The following DDX6 variants were observed in gnomAD, a reference collection of about 807,000 sequenced individuals.
DDX6 encodes probable ATP-dependent RNA helicase DDX6.
Under a neutral mutation model 60.6 loss-of-function variants are expected in DDX6, and 7 were observed. The observed-to-expected ratio is 0.12, with a 90% CI of 0.07 to 0.22. The LOEUF (loss-of-function observed/expected upper bound fraction) is 0.22, where lower values mean the gene tolerates loss of function less well. Among genes scored for constraint, DDX6 ranks in the 10% least tolerant of loss-of-function variants. DDX6 has a pLI of 1.00. For synonymous variants in DDX6, 207 were observed against 201.0 expected, an observed-to-expected ratio of 1.03 and a Z score of -0.25; for missense variants, 270 against 589.9, an observed-to-expected ratio of 0.46 and a Z score of 5.62.
At position 118,786,159 on chromosome 11, in the gene DDX6, A is replaced by G; in HGVS notation, c.93T>C (p.Pro31=). 6.2e-7 allele frequency: 1 copy of G among 1,613,914 alleles called. No individual in the cohort carries two copies. The highest frequency in any genetic ancestry group is 8.5e-7 in the Non-Finnish European group (1 of 1,179,880). Residue 31 remains proline (P), a synonymous_variant, in exon 2 of 14, where the codon CCT becomes CCC. Transcript: ENST00000534980. ...LRGPVKPTGG[P]GGGGTQTQQQ... is the part of the protein sequence containing the mutation. ...GCTGTGTCTGTGTGCCCCCTCCTCC[A>G]GGGCCACCAGTGGGTTTCACAGGGC...
intron 4 of DDX6, 97 bp from the exon 5 acceptor site, chr11:118,768,449 T>G: frequency 7.6e-7 from 1 of 1,322,740 alleles, no homozygotes; most frequent in Non-Finnish European, 1.1e-6. Context: ...TCGGTATTGC[T>G]TTAAGTGTCC....
chr11:118,782,422 AAAG>A (rs1861929529), intron 2 of DDX6, among the ~76,000 whole-genome samples: 1 of 152,158 alleles, frequency 6.6e-6, no homozygotes, highest in Admixed American at 6.6e-5. Context: ...AAAAAAAAAA[AAAG>A]ATCAGGGAAC....
intron 11 of DDX6, among the ~76,000 whole-genome samples, chr11:118,756,021 C>CT (rs1483140416): frequency 8.2e-6 from 1 of 121,260 alleles, no homozygotes. Flanking sequence ...CCCCCTCCCC[C>CT]CCCCCCCCAA....
rs2137451978 is a variant in DDX6 at position 118,763,319 on chromosome 11, T to C, written c.647-13A>G. 6.3e-7 allele frequency: 1 copy of C among 1,576,456 alleles called. No individual in the cohort carries two copies. The highest frequency in any genetic ancestry group is 8.7e-7 in the Non-Finnish European group (1 of 1,147,274). ...ATCACCACGTGCACTATGCAAGATTTAGAAAACATACATTCTCATTAATTT... is the reference window on the plus strand; with the variant it reads ...ATCACCACGTGCACTATGCAAGATTCAGAAAACATACATTCTCATTAATTT... On this transcript the variant is annotated splice_polypyrimidine_tract_variant and intron_variant, in intron 6 of 13. Coordinates refer to ENST00000534980, the MANE Select transcript of DDX6 (RefSeq NM_004397.6).
At chr11:118,781,914 G>A (rs1191394870) in intron 2 of DDX6, among the ~76,000 whole-genome samples, 1 of 149,694 alleles carries the variant, frequency 6.7e-6, no homozygotes, top group Non-Finnish European at 1.5e-5. Context: ...AGTGACAGAG[G>A]GAGACTCTGT....
intron 6 of DDX6, among the ~76,000 whole-genome samples, chr11:118,764,746 G>T (rs1302003920): frequency 2.2e-4 from 33 of 151,366 alleles, no homozygotes; most frequent in African/African-American, 7.5e-4. Flanking sequence ...GGAGATTGCA[G>T]TGAGTCAAGA....
At chr11:118,761,813 C>T (rs581045) in intron 7 of DDX6, among the ~76,000 whole-genome samples, 59,207 of 147,604 alleles carry the variant, frequency 0.4, 12,143 homozygotes, top group Admixed American at 0.53. Flanking sequence ...ACTATAGTAA[C>T]TACTTGACAG....
chr11:118,763,183 C>G (rs376255454), intron 7 of DDX6, 29 bp downstream of exon 7: 6 of 1,492,476 alleles, frequency 4.0e-6, no homozygotes, highest in African/African-American at 2.8e-5. Flanking sequence ...AAGTACAGAA[C>G]AGTATAATGC....
At chr11:118,783,453 T>C (rs1861968442) in intron 2 of DDX6, among the ~76,000 whole-genome samples, 1 of 152,128 alleles carries the variant, frequency 6.6e-6, no homozygotes, top group African/African-American at 2.4e-5. Context: ...CCTCCCAAAG[T>C]GATGGGATGA....
intron 6 of DDX6, among the ~76,000 whole-genome samples, chr11:118,763,838 T>TAAAAAAA (rs58341763): frequency 5.2e-5 from 7 of 134,356 alleles, no homozygotes; most frequent in Non-Finnish European, 6.3e-5. Context: ...TGTCTCAAAT[T>TAAAAAAA]AAAAAAAAAA....
intron 4 of DDX6, among the ~76,000 whole-genome samples, chr11:118,775,555 G>A (rs1555163449): frequency 6.6e-6 from 1 of 151,910 alleles, no homozygotes; most frequent in African/African-American, 2.4e-5. Context: ...AAAAGAAAAA[G>A]GCAATACAAG....
chr11:118,758,827 C>T lies in DDX6; in HGVS notation c.940G>A (p.Ala314Thr). 6.2e-7 allele frequency: 1 copy of T among 1,613,760 alleles called. No homozygotes were observed. Among genetic ancestry groups the T allele is most frequent in the Non-Finnish European group, 8.5e-7 (1 of 1,179,806 alleles). ...LTLKGVTQYY[A>T]YVTERQKVHC... ...ACTTTTTGGCGCTCAGTTACATATGCGTAGTACTGGGTTACTCCCTTCAGA... is the reference window on the plus strand; with the variant it reads ...ACTTTTTGGCGCTCAGTTACATATGTGTAGTACTGGGTTACTCCCTTCAGA... Residue 314 changes from alanine (A) to threonine (T), a missense_variant, in exon 9 of 14, where the codon GCA (alanine) becomes ACA (threonine). This residue lies in a region of DDX6 where 69 missense variants were observed against 208.2 expected (regional missense o/e 0.33). Coordinates refer to ENST00000534980, the MANE Select transcript of DDX6 (RefSeq NM_004397.6).
At chr11:118,758,537 T>A (rs536522073) in intron 9 of DDX6, among the ~76,000 whole-genome samples, 8 of 151,888 alleles carry the variant, frequency 5.3e-5, no homozygotes, top group African/African-American at 1.9e-4. Context: ...CCATGCCCAA[T>A]TTTTTTGTAT....
intron 6 of DDX6, among the ~76,000 whole-genome samples, chr11:118,764,567 G>A (rs1160056200): frequency 6.6e-6 from 1 of 152,128 alleles, no homozygotes; most frequent in Non-Finnish European, 1.5e-5. Context: ...CACTTTGGGA[G>A]GCTGAGGCAG....
At chr11:118,777,307 A>G (rs1344231622) in intron 4 of DDX6, among the ~76,000 whole-genome samples, 1 of 152,184 alleles carries the variant, frequency 6.6e-6, no homozygotes, top group African/African-American at 2.4e-5. Flanking sequence ...CCTGAATTCA[A>G]TCATTTCATC....
intron 2 of DDX6, among the ~76,000 whole-genome samples, chr11:118,783,253 T>C (rs1489277416): frequency 1.3e-5 from 2 of 152,052 alleles, no homozygotes; most frequent in Non-Finnish European, 2.9e-5. Flanking sequence ...AAAATCAAAA[T>C]CCACTGTTGT....
intron 10 of DDX6, among the ~76,000 whole-genome samples, chr11:118,756,718 T>C (rs568023168): frequency 6.6e-6 from 1 of 152,306 alleles, no homozygotes; most frequent in Admixed American, 6.5e-5. Flanking sequence ...AGGAAATATT[T>C]GTGTCTGTAC....
At chr11:118,768,465 A>G in intron 4 of DDX6, 113 bp from the exon 5 acceptor site, 1 of 1,110,552 alleles carries the variant, frequency 9.0e-7, no homozygotes, top group Non-Finnish European at 1.3e-6. Flanking sequence ...TGTCCTAAGT[A>G]TCCTACATTT....
chr11:118,786,357 A>G lies in DDX6; in HGVS notation c.-106T>C. 1.0e-6 allele frequency: 1 copy of G among 979,818 alleles called. No individual in the cohort carries two copies. Among genetic ancestry groups the G allele is most frequent in the Non-Finnish European group, 1.5e-6 (1 of 678,958 alleles). The allele number at this position is 979,818 out of a possible 1,614,324, so 60.7% of individuals were successfully genotyped here. A position where few individuals can be genotyped will look rare whatever the true frequency, so the allele number is the denominator to read the frequency against. ...TCTCCAAAATGAAGAGATAAATATA[A>G]GTCTTGCTCAATAAATGAGTCCTTT... On this transcript the variant is annotated 5_prime_UTR_variant, in exon 2 of 14. Transcript: ENST00000534980.
Sources: gnomAD v4.1 joint callset for allele counts (sites outside exome capture counted in the v4.1 genomes callset) on GRCh38, gnomAD v4.1.1 for gene constraint, gnomAD v4.1.1 regional missense constraint, MANE v1.5 for transcripts, NCBI Gene and HGNC (gene_info 2026-07-23, HGNC 2026-07-21) for gene names.